The following ZNF143 variants were observed in gnomAD, a reference collection of about 807,000 sequenced individuals.
ZNF143 encodes the protein zinc finger protein 143, also known as SPH-binding factor.
ZNF143 carries 49 observed loss-of-function variants against 74.1 expected under a neutral mutation model. The ratio of observed to expected loss-of-function variants is 0.66; its 90% CI spans 0.53 to 0.84. The LOEUF (loss-of-function observed/expected upper bound fraction) is 0.84, where lower values mean the gene tolerates loss of function less well. Among genes scored for constraint, ZNF143 ranks in the 40% least tolerant of loss-of-function variants. ZNF143 has a pLI of 0.00. For synonymous variants in ZNF143, 304 were observed against 282.8 expected (o/e 1.07, Z -0.75); for missense variants, 637 against 793.4 (o/e 0.80, Z 2.37).
rs1491455973 is a variant in ZNF143, at chr11:9,486,387, A to ATAATATATATT, written c.645+6841_645+6842insTAATATATATT. Among the ~76,000 whole-genome samples the ATAATATATATT allele has an allele frequency of 1.1e-4, 2 of 18,002 alleles. 1 individual carries two copies. Among genetic ancestry groups the ATAATATATATT allele is most frequent in the Non-Finnish European group, 2.1e-4 (2 of 9,616 alleles). 11.8% of individuals were successfully genotyped at this position (18,002 alleles called of 152,430 possible). On this transcript the variant is annotated intron_variant, in intron 7 of 15. Transcript: ENST00000396602. ...ATTATATATAATATATTATATATAT[A>ATAATATATATT]ATATATATAATATATTATATATATA...
At chr11:9,466,992 C>T (rs1374130782) in intron 1 of ZNF143, among the ~76,000 whole-genome samples, 2 of 151,602 alleles carry the variant, frequency 1.3e-5, no homozygotes, top group East Asian at 3.9e-4. Context: ...CTCCCGGGTT[C>T]ACGCCATTCT....
At chr11:9,519,450 T>C (rs762099708) in intron 14 of ZNF143, among the ~76,000 whole-genome samples, 13 of 152,168 alleles carry the variant, frequency 8.5e-5, no homozygotes, top group Non-Finnish European at 1.6e-4. Context: ...CCAGCTTGGT[T>C]TTGCCTATTC....
chr11:9,487,373 G>A (rs1270803326), intron 7 of ZNF143, among the ~76,000 whole-genome samples: 1 of 149,780 alleles, frequency 6.7e-6, no homozygotes, highest in Non-Finnish European at 1.5e-5. Context: ...TTGTTTGTTT[G>A]TTTTGAGACG....
intron 14 of ZNF143, among the ~76,000 whole-genome samples, chr11:9,521,571 G>A (rs1417356278): frequency 1.4e-5 from 2 of 145,206 alleles, no homozygotes; most frequent in South Asian, 2.2e-4. Flanking sequence ...GTTTTTTTTT[G>A]TTTTTTTTTT....
chr11:9,519,788 G>C (rs1263799662), intron 14 of ZNF143, among the ~76,000 whole-genome samples: 1 of 152,126 alleles, frequency 6.6e-6, no homozygotes, highest in Non-Finnish European at 1.5e-5. Context: ...ACCTTTCTAT[G>C]ATAGTACCAA....
intron 13 of ZNF143, among the ~76,000 whole-genome samples, chr11:9,514,969 A>C (rs557461026): frequency 3.7e-4 from 56 of 152,248 alleles, no homozygotes; most frequent in Admixed American, 3.6e-3. Flanking sequence ...TCTCTACTAA[A>C]AATACAAAAT....
At position 9,478,591 on chromosome 11, in the gene ZNF143, A is replaced by G. The variant is rs73406269; in HGVS notation, c.570+5A>G. The G allele has an allele frequency of 3.6e-3, 5,785 of 1,603,928 alleles. 147 individuals are homozygous for G. The African/African-American group carries it at 0.061, about 17-fold the overall frequency. ...TTGGAACAGTATGCAGCAAAGGTAT[A>G]GCATTTCACAATGTCAAGAATGTTG... On this transcript the variant is annotated splice_donor_5th_base_variant and intron_variant, in intron 6 of 15. Transcript: ENST00000396602.
intron 7 of ZNF143, among the ~76,000 whole-genome samples, chr11:9,484,899 G>T (rs896093394): frequency 1.4e-5 from 2 of 140,390 alleles, no homozygotes; most frequent in South Asian, 4.5e-4. Context: ...CCGGGTTCAC[G>T]CCATTCTCCT....
chr11:9,515,443 A>T (rs906759022), intron 13 of ZNF143, among the ~76,000 whole-genome samples: 1 of 151,520 alleles, frequency 6.6e-6, no homozygotes, highest in Non-Finnish European at 1.5e-5. Flanking sequence ...AGGTCAGGAG[A>T]TCGAGACCGG....
At chr11:9,494,933 A>G (rs1847908472) in intron 8 of ZNF143, among the ~76,000 whole-genome samples, 168 bp downstream of exon 8, 4 of 152,192 alleles carry the variant, frequency 2.6e-5, no homozygotes, top group Admixed American at 2.6e-4. Flanking sequence ...CGGACTTTAG[A>G]GACTGTTAAT....
intron 15 of ZNF143, among the ~76,000 whole-genome samples, chr11:9,526,214 TGTG>T (rs1292863576): frequency 1.3e-5 from 2 of 151,540 alleles, no homozygotes; most frequent in Non-Finnish European, 2.9e-5. Context: ...ATTAGCCAGG[TGTG>T]GTGGTGTGCA....
At chr11:9,489,205 G>A (rs1847676329) in intron 7 of ZNF143, among the ~76,000 whole-genome samples, 2 of 152,192 alleles carry the variant, frequency 1.3e-5, no homozygotes, top group African/African-American at 4.8e-5. Context: ...AGAGAGGTCT[G>A]TTTTGAGTAA....
At position 9,516,300 on chromosome 11, in the gene ZNF143, A is replaced by T. The variant is rs1205396682; in HGVS notation, c.1624A>T (p.Ile542Phe). ...CACAGTCCCCGCCCATGATGCAGTC[A>T]TCTCCTCAGCAGGAACGCACTCTGT... ...PITVPAHDAV[I>F]SSAGTHSVAM... Residue 542 changes from isoleucine (I) to phenylalanine (F), a missense_variant, in exon 14 of 16, where the codon ATC becomes TTC. Ile to Phe is a conservative substitution (Grantham distance 21). Around this residue, in one of 2 missense-constraint regions of ZNF143, gnomAD observed 344 missense variants for 485.6 expected, o/e 0.71. Coordinates refer to ENST00000396602, the MANE Select transcript of ZNF143 (RefSeq NM_003442.6). 1 of 1,614,130 alleles carries T rather than the reference A, an allele frequency of 6.2e-7. No individual in the cohort carries two copies. The highest frequency in any genetic ancestry group is 1.7e-5 in the Admixed American group (1 of 60,014).
chr11:9,489,105 A>G (rs1032829859), intron 7 of ZNF143, among the ~76,000 whole-genome samples: 6 of 151,938 alleles, frequency 3.9e-5, no homozygotes, highest in East Asian at 3.9e-4. Context: ...GGTCATTGCT[A>G]TTTTTGTAGT....
intron 3 of ZNF143, among the ~76,000 whole-genome samples, chr11:9,473,522 A>G (rs1856708862): frequency 6.6e-6 from 1 of 152,196 alleles, no homozygotes; most frequent in Non-Finnish European, 1.5e-5. Context: ...GAGCACATGC[A>G]TACATAAACA....
At chr11:9,501,366 T>G (rs952817886) in intron 11 of ZNF143, 96 bp downstream of exon 11, 1 of 1,387,200 alleles carries the variant, frequency 7.2e-7, no homozygotes, top group African/African-American at 1.4e-5. Flanking sequence ...CTTCCCTCCT[T>G]TCTATCACTT....
intron 1 of ZNF143, among the ~76,000 whole-genome samples, chr11:9,469,395 C>G (rs1856441911): frequency 6.6e-6 from 1 of 150,498 alleles, no homozygotes; most frequent in African/African-American, 2.4e-5. Context: ...CCACTCCCAG[C>G]TAATTTTTGT....
intron 7 of ZNF143, among the ~76,000 whole-genome samples, chr11:9,483,843 G>A (rs140710982): frequency 6.7e-6 from 1 of 148,308 alleles, no homozygotes; most frequent in African/African-American, 2.5e-5. Flanking sequence ...TCCGTCTCCT[G>A]GGTTCAGCGG....
intron 7 of ZNF143, among the ~76,000 whole-genome samples, chr11:9,488,017 T>C (rs754522850): frequency 6.6e-5 from 10 of 152,218 alleles, no homozygotes; most frequent in Non-Finnish European, 1.3e-4. Flanking sequence ...TTTATGATTA[T>C]ACAAACTTCT....
Sources: allele counts gnomAD v4.1 joint callset (sites outside exome capture counted in the v4.1 genomes callset), GRCh38; gene constraint gnomAD v4.1.1; regional missense constraint gnomAD v4.1.1; transcripts MANE v1.5; gene names NCBI Gene and HGNC (gene_info 2026-07-23, HGNC 2026-07-21).